Variants in SV2B observed in about 807,000 individuals in gnomAD.
The protein encoded by SV2B is solute carrier family 22 member B2.
Under a neutral mutation model 73.9 loss-of-function variants are expected in SV2B, and 41 were observed. That is an observed-to-expected ratio of 0.56 (90% CI 0.43 to 0.72). SV2B has a LOEUF of 0.72. Ranked by LOEUF, SV2B falls within the 30% of genes least tolerant of loss-of-function variation. The pLI, the probability that SV2B is intolerant of heterozygous loss-of-function variation, is 0.00. For synonymous variants in SV2B, 314 were observed against 314.2 expected, an observed-to-expected ratio of 1.00 and a Z score of 0.01; for missense variants, 764 against 857.8, an observed-to-expected ratio of 0.89 and a Z score of 1.37.
rs541401365 is a variant in SV2B at position 91,207,458 on chromosome 15, C to CTG, written c.-391-18406_-391-18405dup. Reference sequence around the variant, plus strand: ...TCTAATTCCTATACCTGAAAAAGGCCTGTGTGTGTGGTCTGTGTGGTCCCC... The same window carrying CTG: ...TCTAATTCCTATACCTGAAAAAGGCCTGTGTGTGTGTGGTCTGTGTGGTCCCC... On this transcript the variant is annotated intron_variant, in intron 1 of 12. Transcript: ENST00000394232. Among the ~76,000 whole-genome samples the CTG allele has an allele frequency of 9.9e-5, 15 of 152,232 alleles. No homozygotes were observed. In the South Asian group the frequency reaches 3.1e-3, roughly 32 times the overall value.
In SV2B at chr15:91,241,296, T is replaced by C. The variant is rs1478251932; in HGVS notation, c.452-10523T>C. Among the ~76,000 whole-genome samples the C allele has an allele frequency of 6.6e-6, 1 of 152,178 alleles. No homozygotes were observed. Among genetic ancestry groups the C allele is most frequent in the Non-Finnish European group, 1.5e-5 (1 of 68,036 alleles). On this transcript the variant is annotated intron_variant, in intron 2 of 12. Coordinates refer to ENST00000394232, the MANE Select transcript of SV2B (RefSeq NM_001323032.3). This position sits in a 1 kb window ranked among gnomAD's most constrained non-coding sequence, Gnocchi z 4.8. ...ACCAGCTTCCTTGCACCTCTCTTAC[T>C]CTGCTGTGTTCCCCACCCCTGGTTG...
In SV2B at chr15:91,292,810, G is replaced by A. The variant is rs954755611; in HGVS notation, c.*258G>A. The A allele has an allele frequency of 1.0e-5, 4 of 383,276 alleles. No homozygotes were observed. Among genetic ancestry groups the A allele is most frequent in the Non-Finnish European group, 1.9e-5 (4 of 215,052 alleles). 23.7% of individuals were successfully genotyped at this position (383,276 alleles called of 1,614,324 possible). A position where few individuals can be genotyped will look rare whatever the true frequency, so the allele number is the denominator to read the frequency against. Reference sequence around the variant, plus strand: ...TCAAGTCTTCCCAGTCCAAGGCAGGGAGAGGATTCTCCAGTGAGTGCACAC... The same window carrying A: ...TCAAGTCTTCCCAGTCCAAGGCAGGAAGAGGATTCTCCAGTGAGTGCACAC... On this transcript the variant is annotated 3_prime_UTR_variant, in exon 13 of 13. Transcript: ENST00000394232.
rs140982548 is a variant in SV2B at position 91,263,733 on chromosome 15, A to G, written c.1009-2849A>G. 1.4e-3 allele frequency among the ~76,000 whole-genome samples: 220 copies of G among 152,218 alleles called. No homozygotes were observed. The Middle Eastern group carries it at 0.017, about 12-fold the overall frequency. The stretch of plus-strand genomic sequence containing the variant: ...AGACACACAGACACAGACATCACCC[A>G]TACCAAGCGTTTGGGTTGAATGGAC... On this transcript the variant is annotated intron_variant, in intron 6 of 12. Transcript: ENST00000394232.
At chr15:91,217,391 T>C (rs967445885) in intron 1 of SV2B, among the ~76,000 whole-genome samples, 2 of 152,104 alleles carry the variant, frequency 1.3e-5, no homozygotes, top group African/African-American at 4.8e-5. Flanking sequence ...TGCAATGCTA[T>C]GGGACCTCTT....
In SV2B at chr15:91,227,479, A is replaced by G. The variant is rs2141493175; in HGVS notation, c.451+765A>G. ...ACAAGCATTTGTCTTTAGTCACCAA[A>G]TGTCCTGAAAAATGTATCTACCCTC... On this transcript the variant is annotated intron_variant, in intron 2 of 12. Transcript: ENST00000394232. The surrounding 1 kb of genome is among the most constrained non-coding windows in gnomAD (Gnocchi z 4.5). Among the ~76,000 whole-genome samples the G allele has an allele frequency of 6.6e-6, 1 of 152,330 alleles. No individual in the cohort carries two copies. Among genetic ancestry groups the G allele is most frequent in the Non-Finnish European group, 1.5e-5 (1 of 68,038 alleles).
intron 1 of SV2B, among the ~76,000 whole-genome samples, chr15:91,177,391 A>G (rs978328261): frequency 5.3e-5 from 8 of 151,900 alleles, no homozygotes; most frequent in African/African-American, 1.7e-4. Context: ...TTTTGGTTCC[A>G]TATGAACTTT....
chr15:91,271,084 T>G, intron 9 of SV2B, among the ~76,000 whole-genome samples: 1 of 74,588 alleles, frequency 1.3e-5, no homozygotes, highest in Non-Finnish European at 2.7e-5. Context: ...GTGGATGATG[T>G]TGTGGATGGT....
At chr15:91,247,281 G>A (rs1596679848) in intron 2 of SV2B, among the ~76,000 whole-genome samples, 1 of 152,312 alleles carries the variant, frequency 6.6e-6, no homozygotes. Context: ...CTGGGGCTCA[G>A]CCTCCTCGTC....
In SV2B at chr15:91,137,628, C is replaced by CAT. The variant is rs10671788; in HGVS notation, c.-392+37270_-392+37271dup. Among the ~76,000 whole-genome samples, 2,532 of 34,722 alleles carry CAT rather than the reference C, an allele frequency of 0.073. 40 individuals carry two copies. The highest frequency in any genetic ancestry group is 0.14 in the East Asian group (26 of 190). The allele number at this position is 34,722 out of a possible 152,430, so 22.8% of individuals were successfully genotyped here. A position where few individuals can be genotyped will look rare whatever the true frequency, so the allele number is the denominator to read the frequency against. On this transcript the variant is annotated intron_variant, in intron 1 of 12. Transcript: ENST00000394232. This position sits in a 1 kb window ranked among gnomAD's most constrained non-coding sequence, Gnocchi z 4.9. ...ATTTCATATATATATTTCATATATA[C>CAT]ATATATTTCATATATACATATATAT...
Position 91,267,793 on chromosome 15 carries a change from A to G in SV2B, c.1208+150A>G, listed in dbSNP as rs2048157919. On this transcript the variant is annotated intron_variant, in intron 8 of 12. Coordinates refer to ENST00000394232, the MANE Select transcript of SV2B (RefSeq NM_001323032.3). This position sits in a 1 kb window ranked among gnomAD's most constrained non-coding sequence, Gnocchi z 4.3. Reference sequence around the variant, plus strand: ...CAGAAAACCAACTCTAGTGGCTTCTACAAAGAAGAAACTTTTTTTTTTTTT... The same window carrying G: ...CAGAAAACCAACTCTAGTGGCTTCTGCAAAGAAGAAACTTTTTTTTTTTTT... 1.5e-6 allele frequency: 1 copy of G among 654,600 alleles called. No individual in the cohort carries two copies. The allele number at this position is 654,600 out of a possible 1,614,324, so 40.5% of individuals were successfully genotyped here. A position where few individuals can be genotyped will look rare whatever the true frequency, so the allele number is the denominator to read the frequency against.
chr15:91,226,840 T>C, intron 2 of SV2B, 126 bp downstream of exon 2: 1 of 1,204,864 alleles, frequency 8.3e-7, no homozygotes, highest in Non-Finnish European at 1.1e-6. Context: ...AAGGAATTTT[T>C]GTCTTAGAGA....
chr15:91,218,130 T>C (rs957564101), intron 1 of SV2B, among the ~76,000 whole-genome samples: 6 of 152,174 alleles, frequency 3.9e-5, no homozygotes, highest in Non-Finnish European at 8.8e-5. Flanking sequence ...CATGGGAGCC[T>C]TCAGAAATGA....
At chr15:91,255,267 G>A (rs2047644380) in intron 4 of SV2B, among the ~76,000 whole-genome samples, 1 of 152,216 alleles carries the variant, frequency 6.6e-6, no homozygotes, top group African/African-American at 2.4e-5. Context: ...CATGGCAGAG[G>A]GGCCCCATGG....
intron 1 of SV2B, among the ~76,000 whole-genome samples, chr15:91,155,449 A>T (rs1249284524): frequency 6.6e-6 from 1 of 152,180 alleles, no homozygotes; most frequent in African/African-American, 2.4e-5. Context: ...AAATAATTTT[A>T]TTCAATGTTT....
Position 91,281,050 on chromosome 15 carries a change from C to A in SV2B, c.1374-678C>A, listed in dbSNP as rs113788767. 3.9e-5 allele frequency among the ~76,000 whole-genome samples: 6 copies of A among 152,168 alleles called. No individual in the cohort carries two copies. Among genetic ancestry groups the A allele is most frequent in the Admixed American group, 3.3e-4 (5 of 15,282 alleles). ...TACATGGTATTCCATTATATGGCAT[C>A]TATTACATATGTATGTATGTAGTAA... On this transcript the variant is annotated intron_variant, in intron 9 of 12. Transcript: ENST00000394232. This position sits in a 1 kb window ranked among gnomAD's most constrained non-coding sequence, Gnocchi z 4.7.
At chr15:91,186,546 C>G (rs1410511589) in intron 1 of SV2B, among the ~76,000 whole-genome samples, 1 of 152,146 alleles carries the variant, frequency 6.6e-6, no homozygotes, top group African/African-American at 2.4e-5. Context: ...AGGTAGTTAT[C>G]AACAAGTTGT....
chr15:91,132,801 C>G lies in SV2B; in HGVS notation c.-392+32438C>G, dbSNP rs145521640. 8.4e-3 allele frequency among the ~76,000 whole-genome samples: 1,271 copies of G among 152,148 alleles called. 21 individuals are homozygous for G. The highest frequency in any genetic ancestry group is 0.029 in the African/African-American group (1,203 of 41,492). On this transcript the variant is annotated intron_variant, in intron 1 of 12. Transcript: ENST00000394232. The surrounding 1 kb of genome is among the most constrained non-coding windows in gnomAD (Gnocchi z 4.6). ...GCTGCAGTGAGCTATAGTCGCACCA[C>G]TGCACTCCAGCCTGGGCAACAGAGT... is the stretch of plus-strand genomic sequence containing the variant.
intron 12 of SV2B, among the ~76,000 whole-genome samples, chr15:91,292,092 T>C (rs550681913): frequency 7.3e-6 from 1 of 137,882 alleles, no homozygotes; most frequent in Non-Finnish European, 1.5e-5. Flanking sequence ...TAAATAGATA[T>C]CTTTGAAAAA....
At chr15:91,222,264 G>T (rs2046244502) in intron 1 of SV2B, among the ~76,000 whole-genome samples, 1 of 152,142 alleles carries the variant, frequency 6.6e-6, no homozygotes, top group South Asian at 2.1e-4. Flanking sequence ...TGTAAAATGG[G>T]CGCAATAATA....
Sources: gnomAD v4.1 joint callset for allele counts (sites outside exome capture counted in the v4.1 genomes callset) on GRCh38, gnomAD v4.1.1 for gene constraint, Gnocchi (gnomAD v3.1) non-coding constraint, MANE v1.5 for transcripts, NCBI Gene and HGNC (gene_info 2026-07-23, HGNC 2026-07-21) for gene names.